QRICH1: variants seen among roughly 807,000 people sequenced by gnomAD.
The protein encoded by QRICH1 is transcriptional regulator QRICH1.
A neutral mutation model predicts 87.1 loss-of-function variants in QRICH1; 16 were observed. The observed-to-expected ratio is 0.18, with a 90% confidence interval of 0.12 to 0.28. The LOEUF (loss-of-function observed/expected upper bound fraction) is 0.28, where lower values mean the gene tolerates loss of function less well. QRICH1 is among the 10% of genes least tolerant of loss of function. The probability of loss-of-function intolerance (pLI) is 1.00; values close to 1 mark genes in which losing one functional copy is unlikely to be tolerated. For missense variants in QRICH1, 647 were observed against 951.7 expected (o/e 0.68, Z 4.21); for synonymous variants, 367 against 368.4 (o/e 1.00, Z 0.05).
intron 3 of QRICH1, among the ~76,000 whole-genome samples, chr3:49,055,320 G>A (rs950677222): frequency 6.6e-6 from 1 of 152,106 alleles, no homozygotes; most frequent in Admixed American, 6.6e-5. Context: ...CCGAGGCATA[G>A]CACCTTCATC....
At chr3:49,041,850 G>A (rs180781481) in intron 6 of QRICH1, among the ~76,000 whole-genome samples, 7 of 151,920 alleles carry the variant, frequency 4.6e-5, no homozygotes, top group Non-Finnish European at 7.4e-5. Flanking sequence ...GGATGGTCTC[G>A]ATCTCCTGAT....
intron 1 of QRICH1, among the ~76,000 whole-genome samples, chr3:49,084,939 G>A (rs1377357782): frequency 2.6e-5 from 4 of 152,024 alleles, no homozygotes; most frequent in African/African-American, 4.8e-5. Flanking sequence ...TCAGGAGATC[G>A]AGACCATCCT....
intron 5 of QRICH1, among the ~76,000 whole-genome samples, chr3:49,045,326 C>CAA (rs150401256): frequency 0.039 from 4,008 of 101,568 alleles, 451 homozygotes; most frequent in African/African-American, 0.14. Context: ...TTGTGAATTA[C>CAA]AAAAAAAAAA....
intron 3 of QRICH1, among the ~76,000 whole-genome samples, chr3:49,048,147 C>T (rs1227643286): frequency 7.1e-6 from 1 of 141,098 alleles, no homozygotes; most frequent in African/African-American, 2.6e-5. Flanking sequence ...TTTTTTTTGG[C>T]GGGGAAAGAG....
chr3:49,072,470 G>A (rs2041857741), intron 2 of QRICH1, among the ~76,000 whole-genome samples: 1 of 150,476 alleles, frequency 6.6e-6, no homozygotes, highest in Non-Finnish European at 1.5e-5. Flanking sequence ...GGGTTGCAGT[G>A]AGCCAAGATC....
rs1316150071 is a variant in QRICH1 at position 49,032,277 on chromosome 3, TA to T, written c.2048-5del. The stretch of plus-strand genomic sequence containing the variant: ...TCTGCATACATGTCATCTGTAACTA[TA>T]AAACACACATCCCCACCACCACAGA... On this transcript the variant is annotated splice_region_variant and splice_polypyrimidine_tract_variant and intron_variant, in intron 8 of 9. Coordinates refer to ENST00000395443, the MANE Select transcript of QRICH1 (RefSeq NM_198880.3). 6.2e-7 allele frequency: 1 copy of T among 1,605,110 alleles called. No homozygotes were observed. The highest frequency in any genetic ancestry group is 2.2e-5 in the East Asian group (1 of 44,698).
chr3:49,047,412 G>A (rs1281612884), intron 3 of QRICH1, among the ~76,000 whole-genome samples, 166 bp from the exon 4 acceptor site: 1 of 151,832 alleles, frequency 6.6e-6, no homozygotes, highest in Non-Finnish European at 1.5e-5. Context: ...CTTGCCCCAG[G>A]GACAGCAAAA....
intron 9 of QRICH1, among the ~76,000 whole-genome samples, chr3:49,031,626 A>C (rs1396794633): frequency 6.6e-6 from 1 of 152,240 alleles, no homozygotes; most frequent in African/African-American, 2.4e-5. Flanking sequence ...AGAGGTGGGG[A>C]ATCTGGAAAT....
In QRICH1 at chr3:49,040,356, C is replaced by T. The variant is rs967179744; in HGVS notation, c.1786+4034G>A. Among the ~76,000 whole-genome samples the T allele has an allele frequency of 2.0e-5, 3 of 152,262 alleles. No individual in the cohort carries two copies. The East Asian group carries it at 5.8e-4, about 29-fold the overall frequency. ...GGCGCAGCAGCTCACACCTGTAATC[C>T]CAGCTCTTAGGGAGGCAGAGGTGGG... On this transcript the variant is annotated intron_variant, in intron 6 of 9. Transcript: ENST00000395443.
intron 1 of QRICH1, among the ~76,000 whole-genome samples, chr3:49,087,383 C>T (rs2042185908): frequency 6.6e-6 from 1 of 151,592 alleles, no homozygotes; most frequent in East Asian, 1.9e-4. Context: ...GAAACCCTGT[C>T]TCTACTAAAA....
chr3:49,068,277 C>A (rs944740244), intron 2 of QRICH1, among the ~76,000 whole-genome samples: 1 of 151,772 alleles, frequency 6.6e-6, no homozygotes, highest in African/African-American at 2.4e-5. Flanking sequence ...GGATCAATTG[C>A]GCCCAGGAGT....
intron 1 of QRICH1, among the ~76,000 whole-genome samples, chr3:49,077,627 C>G (rs2041974976): frequency 6.6e-6 from 1 of 152,184 alleles, no homozygotes; most frequent in African/African-American, 2.4e-5. Flanking sequence ...AAAGCATGGA[C>G]TCTGGAGCCA....
At chr3:49,071,148 T>C (rs2093498204) in intron 2 of QRICH1, among the ~76,000 whole-genome samples, 1 of 151,722 alleles carries the variant, frequency 6.6e-6, no homozygotes, top group Non-Finnish European at 1.5e-5. Flanking sequence ...CTCTGCAAGC[T>C]CCACCTCCCG....
At chr3:49,034,707 G>A (rs916362419) in intron 6 of QRICH1, among the ~76,000 whole-genome samples, 4 of 152,184 alleles carry the variant, frequency 2.6e-5, no homozygotes, top group Non-Finnish European at 4.4e-5. Flanking sequence ...CTAGGTACAG[G>A]CAAAGGTCAA....
At chr3:49,038,167 T>A (rs2093287248) in intron 6 of QRICH1, among the ~76,000 whole-genome samples, 2 of 151,256 alleles carry the variant, frequency 1.3e-5, no homozygotes, top group African/African-American at 4.9e-5. Context: ...TTCACACCAT[T>A]CTCCTGCCTC....
intron 2 of QRICH1, among the ~76,000 whole-genome samples, chr3:49,071,187 C>T (rs2093498379): frequency 6.6e-6 from 1 of 151,988 alleles, no homozygotes; most frequent in African/African-American, 2.4e-5. Context: ...GCCTCAGCCT[C>T]CCGAGTAGCT....
chr3:49,057,228 C>T lies in QRICH1; in HGVS notation c.972G>A (p.Gln324=). ...GAATGGCAATGTGGGTAATGCTCTG[C>T]TGCTGAGGGTCCCCCCGGGGCTGGG... ...YSAQPRGDPQ[Q]QSITHIAIPQ... The change falls in exon 3 of 10, where the codon CAG becomes CAA. Residue 324 remains glutamine, a synonymous_variant. Transcript: ENST00000395443. This position sits in a 1 kb window ranked among gnomAD's most constrained non-coding sequence, Gnocchi z 5.4. 1.2e-6 allele frequency: 2 copies of T among 1,614,188 alleles called. No individual in the cohort carries two copies. Among genetic ancestry groups the T allele is most frequent in the South Asian group, 1.1e-5 (1 of 91,084 alleles).
chr3:49,094,355 G>A, upstream of QRICH1: 1 of 273,452 alleles, frequency 3.7e-6, no homozygotes, highest in South Asian at 1.7e-4. Flanking sequence ...GCCCGCCAGA[G>A]CCTCCTTTGG....
At chr3:49,043,391 G>A (rs975807628) in intron 6 of QRICH1, among the ~76,000 whole-genome samples, 9 of 148,792 alleles carry the variant, frequency 6.0e-5, no homozygotes, top group African/African-American at 2.2e-4. Flanking sequence ...AGCTACTTGG[G>A]AGGCTGGGAT....
Sources: gnomAD v4.1 joint callset for allele counts (sites outside exome capture counted in the v4.1 genomes callset) on GRCh38, gnomAD v4.1.1 for gene constraint, Gnocchi (gnomAD v3.1) non-coding constraint, MANE v1.5 for transcripts, NCBI Gene and HGNC (gene_info 2026-07-23, HGNC 2026-07-21) for gene names.